SYT2: variants seen among roughly 807,000 people sequenced by gnomAD.
SYT2 encodes the protein synaptotagmin-2.
A neutral mutation model predicts 39.9 loss-of-function variants in SYT2; 15 were observed. The observed-to-expected ratio is 0.38, with a 90% CI of 0.25 to 0.58. The LOEUF (loss-of-function observed/expected upper bound fraction) is 0.58, where lower values mean the gene tolerates loss of function less well. Among genes scored for constraint, SYT2 ranks in the 20% least tolerant of loss-of-function variants. SYT2 has a pLI of 0.70. For missense variants in SYT2, 389 were observed against 530.3 expected (o/e 0.73, Z 2.62); for synonymous variants, 181 against 204.5 (o/e 0.89, Z 0.98).
intron 1 of SYT2, among the ~76,000 whole-genome samples, chr1:202,631,679 G>A (rs935514721): frequency 6.6e-6 from 1 of 152,148 alleles, no homozygotes; most frequent in African/African-American, 2.4e-5. Flanking sequence ...CTCTTCATGT[G>A]GGAGAATAGA....
At chr1:202,651,188 TG>T (rs1304462066) in intron 1 of SYT2, among the ~76,000 whole-genome samples, 97 of 151,670 alleles carry the variant, frequency 6.4e-4, no homozygotes, top group Non-Finnish European at 2.9e-4. Flanking sequence ...GGAGGAGCCA[TG>T]GGAGTGGGAA....
rs1350535114 is a variant in SYT2, at chr1:202,590,835, GT to G, written c.*5921del. ...GGCTCTGCCAGGCCCTGATTTTGAA[GT>G]TTTCAGCCCCAGGGTTTTCAGAAAG... is the stretch of plus-strand genomic sequence containing the variant. On this transcript the variant is annotated 3_prime_UTR_variant, in exon 9 of 9. Transcript: ENST00000367268. 1 of 152,058 alleles carries G rather than the reference GT, an allele frequency of 6.6e-6. No homozygotes were observed. Among genetic ancestry groups the G allele is most frequent in the African/African-American group, 2.4e-5 (1 of 41,390 alleles). The allele number at this position is 152,058 out of a possible 1,614,324, so 9.4% of individuals were successfully genotyped here.
chr1:202,661,387 C>A (rs776687803), intron 1 of SYT2, among the ~76,000 whole-genome samples: 2 of 152,002 alleles, frequency 1.3e-5, no homozygotes, highest in Non-Finnish European at 2.9e-5. Flanking sequence ...GATGGCTTCG[C>A]CTTCCTCCCC....
At position 202,596,783 on chromosome 1, in the gene SYT2, C is replaced by T. The variant is rs1453017252; in HGVS notation, c.1234G>A (p.Asp412Asn). The T allele has an allele frequency of 6.2e-7, 1 of 1,613,970 alleles. No homozygotes were observed. Among genetic ancestry groups the T allele is most frequent in the East Asian group, 2.2e-5 (1 of 44,894 alleles). The change falls in exon 9 of 9, where the codon GAT becomes AAT. Residue 412 changes from aspartate (D) to asparagine (N), a missense_variant. Coordinates refer to ENST00000367268, the MANE Select transcript of SYT2 (RefSeq NM_177402.5). The part of the protein sequence containing the change: ...WHSLKPEEEV[D>N]ALLGKNK ...TACTTGTTCTTGCCCAGGAGTGCAT[C>T]CACCTCCTCCTCAGGCTTGAGCGAG...
At chr1:202,697,671 C>A (rs1654008315) in intron 1 of SYT2, among the ~76,000 whole-genome samples, 1 of 152,192 alleles carries the variant, frequency 6.6e-6, no homozygotes, top group African/African-American at 2.4e-5. Context: ...CTTTAGGTGT[C>A]CTCACCACTG....
chr1:202,638,464 C>G (rs182461861), intron 1 of SYT2, among the ~76,000 whole-genome samples: 420 of 152,358 alleles, frequency 2.8e-3, no homozygotes, highest in Non-Finnish European at 2.9e-3. Context: ...CTGAGAGACC[C>G]GCTCAATGGG....
In SYT2 at chr1:202,628,671, C is replaced by T. The variant is rs1691486717; in HGVS notation, c.-17-22882G>A. Among the ~76,000 whole-genome samples, 1 of 152,202 alleles carries T rather than the reference C, an allele frequency of 6.6e-6. No homozygotes were observed. Among genetic ancestry groups the T allele is most frequent in the Non-Finnish European group, 1.5e-5 (1 of 68,040 alleles). The stretch of plus-strand genomic sequence containing the variant: ...GAGATAGGGGCCAGGAGGGATGAAC[C>T]ATGGCCTCAAAACACCCATGGGCTG... On this transcript the variant is annotated intron_variant, in intron 1 of 8. Coordinates refer to ENST00000367268, the MANE Select transcript of SYT2 (RefSeq NM_177402.5). This position sits in a 1 kb window ranked among gnomAD's most constrained non-coding sequence, Gnocchi z 4.2.
intron 1 of SYT2, among the ~76,000 whole-genome samples, chr1:202,672,083 A>G (rs1389709175): frequency 6.6e-6 from 1 of 152,226 alleles, no homozygotes; most frequent in Non-Finnish European, 1.5e-5. Flanking sequence ...TTATAAAACA[A>G]CTATGTTTTC....
chr1:202,664,542 T>C (rs1692448403), intron 1 of SYT2, among the ~76,000 whole-genome samples: 1 of 152,204 alleles, frequency 6.6e-6, no homozygotes, highest in Non-Finnish European at 1.5e-5. Flanking sequence ...ACTCAGCCCC[T>C]ATCATCCCCA....
chr1:202,691,732 G>GGAGA (rs1164044356), intron 1 of SYT2, among the ~76,000 whole-genome samples: 34 of 8,304 alleles, frequency 4.1e-3, no homozygotes, highest in East Asian at 0.015. Flanking sequence ...GGAGAGGGGG[G>GGAGA]GAGAGAGAGA....
intron 1 of SYT2, among the ~76,000 whole-genome samples, chr1:202,624,481 G>A (rs1046644741): frequency 6.6e-6 from 1 of 151,456 alleles, no homozygotes; most frequent in African/African-American, 2.4e-5. Flanking sequence ...AGTGAGGTGT[G>A]TGTGGTGTAT....
intron 7 of SYT2, among the ~76,000 whole-genome samples, chr1:202,600,153 C>T (rs1572608476): frequency 6.6e-6 from 1 of 152,310 alleles, no homozygotes; most frequent in East Asian, 1.9e-4. Flanking sequence ...GGCCAGAGAG[C>T]GCTGGGAAGG....
In SYT2 at chr1:202,601,849, A is replaced by G. The variant is rs1222777886; in HGVS notation, c.801+41T>C. ...CCAAGAGGTGGAAGCCCACCTGTAC[A>G]TTCGTCTTTCTGCCCAACCTGGCCT... On this transcript the variant is annotated intron_variant, in intron 6 of 8. Transcript: ENST00000367268. This position sits in a 1 kb window ranked among gnomAD's most constrained non-coding sequence, Gnocchi z 4.0. The G allele has an allele frequency of 4.4e-6, 7 of 1,596,926 alleles. No homozygotes were observed. Among genetic ancestry groups the G allele is most frequent in the Non-Finnish European group, 6.0e-6 (7 of 1,170,566 alleles).
intron 1 of SYT2, among the ~76,000 whole-genome samples, chr1:202,662,465 G>C (rs1371015060): frequency 6.6e-6 from 1 of 152,256 alleles, no homozygotes; most frequent in Non-Finnish European, 1.5e-5. Flanking sequence ...CTGAGGCCAA[G>C]GGCTCCTCCA....
chr1:202,678,204 G>A (rs12028780), intron 1 of SYT2, among the ~76,000 whole-genome samples: 33,849 of 146,494 alleles, frequency 0.23, 4,649 homozygotes, highest in East Asian at 0.39. Context: ...AACCTGGAAG[G>A]CAGAGGTTGC....
chr1:202,627,720 A>G (rs1572638091), intron 1 of SYT2: 1 of 718,560 alleles, frequency 1.4e-6, no homozygotes, highest in East Asian at 1.3e-4. Context: ...AGCATGTTTA[A>G]TTGCTTAAAA....
At chr1:202,655,114 C>A (rs181878122) in intron 1 of SYT2, among the ~76,000 whole-genome samples, 2 of 151,966 alleles carry the variant, frequency 1.3e-5, no homozygotes, top group Non-Finnish European at 2.9e-5. Context: ...TGTTGAGATG[C>A]CTTAGAGGTG....
chr1:202,687,681 A>AAG (rs1214365247), intron 1 of SYT2, among the ~76,000 whole-genome samples: 2 of 151,668 alleles, frequency 1.3e-5, no homozygotes, highest in Non-Finnish European at 2.9e-5. Context: ...AAAAAAAAAA[A>AAG]AAAGAAAAGA....
chr1:202,684,968 T>C (rs1387135569), intron 1 of SYT2, among the ~76,000 whole-genome samples: 2 of 152,122 alleles, frequency 1.3e-5, no homozygotes, highest in African/African-American at 2.4e-5. Context: ...TGTGCAGCAG[T>C]GGGCTGTGGA....
Sources: gnomAD v4.1 joint callset for allele counts (sites outside exome capture counted in the v4.1 genomes callset) on GRCh38, gnomAD v4.1.1 for gene constraint, Gnocchi (gnomAD v3.1) non-coding constraint, MANE v1.5 for transcripts, NCBI Gene and HGNC (gene_info 2026-07-23, HGNC 2026-07-21) for gene names.